The following CX3CL1 variants were observed in gnomAD, a reference collection of about 807,000 sequenced individuals.
CX3CL1 encodes C-X3-C motif chemokine ligand 1, also known as fractalkine.
Under a neutral mutation model 14.1 loss-of-function variants are expected in CX3CL1, and 1 was observed. The observed-to-expected ratio is 0.07, with a 90% confidence interval of 0.03 to 0.34. CX3CL1 has a LOEUF of 0.34. Ranked by LOEUF, CX3CL1 falls within the 10% of genes least tolerant of loss-of-function variation. CX3CL1 has a pLI of 0.99. For missense variants in CX3CL1, 505 were observed against 536.4 expected (o/e 0.94, Z 0.58); for synonymous variants, 255 against 229.6 (o/e 1.11, Z -1.00).
intron 2 of CX3CL1, 114 bp downstream of exon 2, chr16:57,379,868 G>C (rs1022262074): frequency 1.0e-5 from 13 of 1,262,194 alleles, no homozygotes; most frequent in Middle Eastern, 1.9e-4. Flanking sequence ...CCAGCCAAAG[G>C]CCTCAGCACA....
chr16:57,376,125 T>A (rs558657021), intron 1 of CX3CL1, among the ~76,000 whole-genome samples: 1 of 152,298 alleles, frequency 6.6e-6, no homozygotes, highest in South Asian at 2.1e-4. Flanking sequence ...TTAAAAAAAA[T>A]AAATAAAACC....
intron 1 of CX3CL1, chr16:57,377,680 G>A (rs748548526): frequency 6.6e-6 from 1 of 152,272 alleles, no homozygotes; most frequent in Non-Finnish European, 1.5e-5. Flanking sequence ...TCGTGTTCTG[G>A]TGGAGCCCAG....
At position 57,379,747 on chromosome 16, in the gene CX3CL1, G is replaced by C. The variant is rs201831570; in HGVS notation, c.184G>C (p.Ala62Pro). The change falls in exon 2 of 3, where the codon GCA becomes CCA. Residue 62 changes from alanine to proline, a missense_variant. Coordinates refer to ENST00000006053, the MANE Select transcript of CX3CL1 (RefSeq NM_002996.6). ...GAACCAGGCATCATGCGGCAAACGC[G>C]CAATCATGTAGGTACTGCCCTCGAG... is the stretch of plus-strand genomic sequence containing the variant. ...QQNQASCGKR[A>P]IILETRQHRL... 1 of 1,614,226 alleles carries C rather than the reference G, an allele frequency of 6.2e-7. No homozygotes were observed. The highest frequency in any genetic ancestry group is 8.5e-7 in the Non-Finnish European group (1 of 1,180,032).
intron 1 of CX3CL1, among the ~76,000 whole-genome samples, chr16:57,373,550 G>A (rs544843794): frequency 6.6e-6 from 1 of 152,342 alleles, no homozygotes; most frequent in Admixed American, 6.5e-5. Flanking sequence ...AGAGAAGGTG[G>A]GCACACAGCA....
Position 57,372,642 on chromosome 16 carries a change from AGT to A in CX3CL1, c.70+6_70+7del. 1 of 1,613,382 alleles carries A rather than the reference AGT, an allele frequency of 6.2e-7. No homozygotes were observed. The highest frequency in any genetic ancestry group is 8.5e-7 in the Non-Finnish European group (1 of 1,179,874). On this transcript the variant is annotated splice_donor_5th_base_variant and intron_variant, in intron 1 of 2. Transcript: ENST00000006053. Reference sequence around the variant, plus strand: ...CATCTGACTGTCCTGCTGGCTGGTAAGTGGGGCTTGACTTGGGCACAAACAGG... The same window carrying A: ...CATCTGACTGTCCTGCTGGCTGGTAAGGGGCTTGACTTGGGCACAAACAGG...
Position 57,384,966 on chromosome 16 carries a change from T to C in CX3CL1, c.*1934T>C, listed in dbSNP as rs1263991088. On this transcript the variant is annotated 3_prime_UTR_variant, in exon 3 of 3. Coordinates refer to ENST00000006053, the MANE Select transcript of CX3CL1 (RefSeq NM_002996.6). Reference sequence around the variant, plus strand: ...GACTTTGGAAAGAGTAGGAAGACTTTGGAAAGACTTTTCCAACCCTCATCA... The same window carrying C: ...GACTTTGGAAAGAGTAGGAAGACTTCGGAAAGACTTTTCCAACCCTCATCA... The C allele has an allele frequency of 6.6e-6, 1 of 152,230 alleles. No homozygotes were observed. The highest frequency in any genetic ancestry group is 1.5e-5 in the Non-Finnish European group (1 of 68,030). The allele number at this position is 152,230 out of a possible 1,614,324, so 9.4% of individuals were successfully genotyped here.
chr16:57,380,413 C>T (rs778562057), intron 2 of CX3CL1, among the ~76,000 whole-genome samples: 1 of 152,112 alleles, frequency 6.6e-6, no homozygotes, highest in Non-Finnish European at 1.5e-5. Context: ...CAAAAACTAG[C>T]CTGGCATGGT....
rs765773795 is a variant in CX3CL1, at chr16:57,382,675, G to T, written c.837G>T (p.Gly279=). ...ACACGGATGCCTTCCAGGACTGGGGGCCTGGCAGCATGGCCCACGTCTCTG... is the reference window on the plus strand; with the variant it reads ...ACACGGATGCCTTCCAGGACTGGGGTCCTGGCAGCATGGCCCACGTCTCTG... ...PAHTDAFQDW[G]PGSMAHVSVV... Residue 279 remains glycine (G), a synonymous_variant, in exon 3 of 3, where the codon GGG becomes GGT. Coordinates refer to ENST00000006053, the MANE Select transcript of CX3CL1 (RefSeq NM_002996.6). This position sits in a 1 kb window ranked among gnomAD's most constrained non-coding sequence, Gnocchi z 6.9. 5.6e-6 allele frequency: 9 copies of T among 1,612,484 alleles called. No individual in the cohort carries two copies. Among genetic ancestry groups the T allele is most frequent in the East Asian group, 4.5e-5 (2 of 44,844 alleles).
At position 57,382,109 on chromosome 16, in the gene CX3CL1, C is replaced by T. The variant is rs200050506; in HGVS notation, c.271C>T (p.Arg91Cys). The change falls in exon 3 of 3, where the codon CGC becomes TGC. Residue 91 changes from arginine (R) to cysteine (C), a missense_variant. Coordinates refer to ENST00000006053, the MANE Select transcript of CX3CL1 (RefSeq NM_002996.6). This position sits in a 1 kb window ranked among gnomAD's most constrained non-coding sequence, Gnocchi z 6.9. ...WVKDAMQHLD[R>C]QAAALTRNGG... is the part of the protein sequence containing the mutation. ...CAAGGACGCGATGCAGCATCTGGAC[C>T]GCCAGGCTGCTGCCCTAACTCGAAA... 2 of 1,613,996 alleles carry T rather than the reference C, an allele frequency of 1.2e-6. No homozygotes were observed. The highest frequency in any genetic ancestry group is 1.7e-6 in the Non-Finnish European group (2 of 1,179,958).
intron 1 of CX3CL1, among the ~76,000 whole-genome samples, chr16:57,376,238 C>T (rs1489819603): frequency 2.0e-5 from 3 of 152,246 alleles, no homozygotes; most frequent in Non-Finnish European, 4.4e-5. Context: ...GCACCCAGCA[C>T]AGGGCCTGGC....
chr16:57,375,200 G>GT (rs1221767642), intron 1 of CX3CL1, among the ~76,000 whole-genome samples: 1 of 151,844 alleles, frequency 6.6e-6, no homozygotes, highest in African/African-American at 2.4e-5. Flanking sequence ...GAAGAGAGGT[G>GT]TTGACATTTT....
At chr16:57,374,297 T>C (rs959640362) in intron 1 of CX3CL1, among the ~76,000 whole-genome samples, 1 of 151,944 alleles carries the variant, frequency 6.6e-6, no homozygotes, top group African/African-American at 2.4e-5. Context: ...GTGGGGCAGC[T>C]GCGTCAGTCC....
intron 1 of CX3CL1, among the ~76,000 whole-genome samples, chr16:57,375,387 GT>G (rs1217148161): frequency 1.3e-5 from 2 of 152,104 alleles, no homozygotes; most frequent in Admixed American, 1.3e-4. Context: ...ATATCCCAAT[GT>G]TTTTGGTTCA....
At chr16:57,380,682 G>T (rs1254032807) in intron 2 of CX3CL1, among the ~76,000 whole-genome samples, 2 of 152,150 alleles carry the variant, frequency 1.3e-5, no homozygotes, top group Non-Finnish European at 2.9e-5. Flanking sequence ...TTTGGGGAGG[G>T]ATTGAGCCAT....
At chr16:57,379,789 T>C (rs773028519) in intron 2 of CX3CL1, 35 bp downstream of exon 2, 20 of 1,611,894 alleles carry the variant, frequency 1.2e-5, no homozygotes, top group African/African-American at 2.7e-5. Flanking sequence ...GAAATCCCCT[T>C]TGGGCCCTTG....
In CX3CL1 at chr16:57,383,104, C is replaced by T; in HGVS notation, c.*72C>T. 2 of 1,300,648 alleles carry T rather than the reference C, an allele frequency of 1.5e-6. No homozygotes were observed. Among genetic ancestry groups the T allele is most frequent in the South Asian group, 2.7e-5 (1 of 37,270 alleles). The allele number at this position is 1,300,648 out of a possible 1,614,324, so 80.6% of individuals were successfully genotyped here. On this transcript the variant is annotated 3_prime_UTR_variant, in exon 3 of 3. Transcript: ENST00000006053. ...GATCCCTCATCCTCATACCCACCCCCACCCAAGGGCCTGGCCTGAGCTGGG... is the reference window on the plus strand; with the variant it reads ...GATCCCTCATCCTCATACCCACCCCTACCCAAGGGCCTGGCCTGAGCTGGG...
chr16:57,379,195 A>C, intron 1 of CX3CL1: 1 of 173,896 alleles, frequency 5.8e-6, no homozygotes. Context: ...GAGTCGTGGC[A>C]CATGCCTGTA....
At chr16:57,375,251 C>G (rs1214323451) in intron 1 of CX3CL1, among the ~76,000 whole-genome samples, 1 of 151,996 alleles carries the variant, frequency 6.6e-6, no homozygotes, top group African/African-American at 2.4e-5. Flanking sequence ...GGTGGCTTTG[C>G]ACAGTTTGGA....
chr16:57,372,577 G>A lies in CX3CL1; in HGVS notation c.9G>A (p.Pro3=), dbSNP rs150111366. 77 of 1,612,710 alleles carry A rather than the reference G, an allele frequency of 4.8e-5. No homozygotes were observed. Among genetic ancestry groups the A allele is most frequent in the Admixed American group, 1.7e-4 (10 of 60,000 alleles). The change falls in exon 1 of 3, where the codon CCG becomes CCA. Residue 3 remains proline (P), a synonymous_variant. Transcript: ENST00000006053. ...CTTGCCCACCCTCAGCCATGGCTCC[G>A]ATATCTCTGTCGTGGCTGCTCCGCT... The part of the protein sequence containing the change: MA[P]ISLSWLLRLA...
Sources: allele counts gnomAD v4.1 joint callset (sites outside exome capture counted in the v4.1 genomes callset), GRCh38; gene constraint gnomAD v4.1.1; non-coding constraint Gnocchi (gnomAD v3.1); transcripts MANE v1.5; gene names NCBI Gene and HGNC (gene_info 2026-07-23, HGNC 2026-07-21).